The following ANKRD30BL variants were observed in gnomAD, a reference collection of about 807,000 sequenced individuals.
The protein encoded by ANKRD30BL is ankyrin repeat domain 30B like, also known as putative ankyrin repeat domain-containing protein 30B-like.
In ANKRD30BL, 20 loss-of-function variants were observed where a neutral mutation model predicts 18.4. The ratio of observed to expected loss-of-function variants is 1.09; its 90% CI spans 0.77 to 1.58. ANKRD30BL has a LOEUF of 1.58. ANKRD30BL is among the 40% of genes most tolerant of loss of function. The pLI is 0.00. For synonymous variants in ANKRD30BL, 72 were observed against 100.9 expected (o/e 0.71, Z 1.72); for missense variants, 224 against 268.6 (o/e 0.83, Z 1.16).
chr2:132,220,777 G>A (rs906598926), intron 1 of ANKRD30BL, among the ~76,000 whole-genome samples: 14 of 151,676 alleles, frequency 9.2e-5, no homozygotes, highest in Non-Finnish European at 1.3e-4. Context: ...GCCTCTGCCC[G>A]GCCGCCACCC....
chr2:132,182,331 A>G (rs1328530666), intron 1 of ANKRD30BL, among the ~76,000 whole-genome samples: 1 of 151,546 alleles, frequency 6.6e-6, no homozygotes, highest in African/African-American at 2.4e-5. Context: ...AAACACAAAA[A>G]ATTAGCCAGG....
At chr2:132,209,081 T>C (rs796963483) in intron 1 of ANKRD30BL, among the ~76,000 whole-genome samples, 2 of 131,838 alleles carry the variant, frequency 1.5e-5, no homozygotes, top group Non-Finnish European at 3.3e-5. Context: ...CAGAGTTGAA[T>C]GTTCTCTTGA....
In ANKRD30BL at chr2:132,232,006, T is replaced by C. The variant is rs559404899; in HGVS notation, n.441+25523A>G. Among the ~76,000 whole-genome samples, 22 of 152,276 alleles carry C rather than the reference T, an allele frequency of 1.4e-4. No homozygotes were observed. In the East Asian group the frequency reaches 2.7e-3, roughly 19 times the overall value. On this transcript the variant is annotated intron_variant and non_coding_transcript_variant, in intron 1 of 4. Transcript: ENST00000470729. The stretch of plus-strand genomic sequence containing the variant: ...GAGATCTGAGAACTGGCAGACTGCC[T>C]CATCAAGTGGGTCCCTGACCCCTGA...
At chr2:132,238,854 G>A (rs1467405004) in intron 1 of ANKRD30BL, among the ~76,000 whole-genome samples, 3 of 152,046 alleles carry the variant, frequency 2.0e-5, no homozygotes, top group Admixed American at 1.3e-4. Flanking sequence ...TCATCTCGCA[G>A]TTGAACATTC....
intron 1 of ANKRD30BL, among the ~76,000 whole-genome samples, chr2:132,170,238 T>G (rs1166226049): frequency 6.6e-6 from 1 of 152,192 alleles, no homozygotes; most frequent in Non-Finnish European, 1.5e-5. Context: ...AGCTAAAAGC[T>G]ACATTCTTGT....
upstream of ANKRD30BL, among the ~76,000 whole-genome samples, chr2:132,163,943 A>G (rs755280406): frequency 6.6e-6 from 1 of 152,266 alleles, no homozygotes; most frequent in Non-Finnish European, 1.5e-5. Flanking sequence ...GTGTATACAC[A>G]TAACTATAAA....
intron 1 of ANKRD30BL, among the ~76,000 whole-genome samples, chr2:132,234,074 T>A (rs1183697297): frequency 2.6e-5 from 4 of 152,096 alleles, no homozygotes; most frequent in African/African-American, 9.7e-5. Context: ...AACAACCTGC[T>A]CCTGAATGAC....
chr2:132,228,868 A>G (rs1000405687), intron 1 of ANKRD30BL, among the ~76,000 whole-genome samples: 2 of 151,482 alleles, frequency 1.3e-5, no homozygotes, highest in Non-Finnish European at 2.9e-5. Context: ...GCACTTTGGA[A>G]ACTCTCTTTT....
rs1391758078 is a variant in ANKRD30BL, at chr2:132,233,326, C to A, written n.441+24203G>T. Among the ~76,000 whole-genome samples, 7 of 147,774 alleles carry A rather than the reference C, an allele frequency of 4.7e-5. 1 individual carries two copies. Among genetic ancestry groups the A allele is most frequent in the Admixed American group, 2.7e-4 (4 of 14,688 alleles). On this transcript the variant is annotated intron_variant and non_coding_transcript_variant, in intron 1 of 4. Coordinates refer to the ANKRD30BL transcript ENST00000470729. ...CATCATAATGACAGGATCAAATTCA[C>A]ACATAACAATATTAACTTTAAATGT...
intron 1 of ANKRD30BL, among the ~76,000 whole-genome samples, chr2:132,234,672 C>A (rs202024870): frequency 3.9e-5 from 6 of 152,138 alleles, no homozygotes; most frequent in Admixed American, 6.6e-5. Context: ...CAATAACAGG[C>A]TCTGAAATTG....
chr2:132,169,738 G>A (rs1688247226), intron 1 of ANKRD30BL, among the ~76,000 whole-genome samples: 1 of 151,846 alleles, frequency 6.6e-6, no homozygotes, highest in Non-Finnish European at 1.5e-5. Flanking sequence ...AATTGCAGAG[G>A]TATATGCCCC....
At chr2:132,159,926 T>G (rs1688010593) in intron 1 of ANKRD30BL, among the ~76,000 whole-genome samples, 2 of 152,164 alleles carry the variant, frequency 1.3e-5, no homozygotes, top group Non-Finnish European at 2.9e-5. Context: ...CTTTGTGGCA[T>G]AAAAATCTAG....
intron 1 of ANKRD30BL, among the ~76,000 whole-genome samples, chr2:132,221,356 C>A (rs1679673430): frequency 6.9e-6 from 1 of 144,416 alleles, no homozygotes; most frequent in African/African-American, 2.7e-5. Context: ...GCCGCCCAGT[C>A]CGGGAGGGGG....
intron 5 of ANKRD30BL, 107 bp from the exon 6 acceptor site, chr2:132,148,335 C>G (rs1264273902): frequency 4.7e-6 from 2 of 425,012 alleles, no homozygotes; most frequent in Non-Finnish European, 8.7e-6. Context: ...TAAATACTAC[C>G]AAACTTTTGT....
At chr2:132,219,296 G>A (rs576885811) in intron 1 of ANKRD30BL, among the ~76,000 whole-genome samples, 24 of 148,542 alleles carry the variant, frequency 1.6e-4, no homozygotes, top group Admixed American at 8.6e-4. Context: ...ACCAGCCTTC[G>A]CTGGAAACAG....
intron 1 of ANKRD30BL, among the ~76,000 whole-genome samples, chr2:132,215,177 A>G (rs1463740920): frequency 6.6e-6 from 1 of 152,144 alleles, no homozygotes; most frequent in African/African-American, 2.4e-5. Context: ...GGAAAAGGAA[A>G]CATCTTCACA....
upstream of ANKRD30BL, among the ~76,000 whole-genome samples, chr2:132,164,280 T>C (rs1394282338): frequency 5.5e-5 from 8 of 145,074 alleles, no homozygotes; most frequent in African/African-American, 1.8e-4. Context: ...TTTTTTTTTT[T>C]TTTTTTTTTT....
At chr2:132,234,606 T>TGGGA (rs1680103817) in intron 1 of ANKRD30BL, among the ~76,000 whole-genome samples, 1 of 152,040 alleles carries the variant, frequency 6.6e-6, no homozygotes, top group African/African-American at 2.4e-5. Context: ...ATAAATCCCT[T>TGGGA]GACACATACA....
intron 1 of ANKRD30BL, among the ~76,000 whole-genome samples, chr2:132,185,094 G>C (rs1481473905): frequency 1.3e-5 from 2 of 152,194 alleles, no homozygotes; most frequent in African/African-American, 4.8e-5. Flanking sequence ...TTACAGGCGT[G>C]AGCCACTGCA....
Sources: gnomAD v4.1 joint callset for allele counts (sites outside exome capture counted in the v4.1 genomes callset) on GRCh38, gnomAD v4.1.1 for gene constraint, MANE v1.5 for transcripts, NCBI Gene and HGNC (gene_info 2026-07-23, HGNC 2026-07-21) for gene names.